The following LZTFL1 variants were observed in gnomAD, a reference collection of about 807,000 sequenced individuals.
The protein encoded by LZTFL1 is leucine zipper transcription factor-like protein 1.
Under a neutral mutation model 45.9 loss-of-function variants are expected in LZTFL1, and 25 were observed. That is an observed-to-expected ratio of 0.54 (90% CI 0.40 to 0.76). LZTFL1 has a LOEUF of 0.76. Ranked by LOEUF, LZTFL1 falls within the 30% of genes least tolerant of loss-of-function variation. The probability of loss-of-function intolerance (pLI) is 0.00; values close to 1 mark genes in which losing one functional copy is unlikely to be tolerated. For missense variants in LZTFL1, 277 were observed against 331.1 expected, an observed-to-expected ratio of 0.84 and a Z score of 1.27; for synonymous variants, 93 against 117.4, an observed-to-expected ratio of 0.79 and a Z score of 1.35.
At chr3:45,856,683 C>A (rs1701398339) in intron 3 of LZTFL1, among the ~76,000 whole-genome samples, 1 of 151,712 alleles carries the variant, frequency 6.6e-6, no homozygotes, top group South Asian at 2.1e-4. Flanking sequence ...AATACATTTA[C>A]AAGAAAAAAA....
intron 4 of LZTFL1, among the ~76,000 whole-genome samples, chr3:45,852,837 A>G (rs1379749888): frequency 5.3e-5 from 8 of 152,152 alleles, no homozygotes; most frequent in African/African-American, 2.4e-5. Context: ...TTATGTGCTC[A>G]CCCCAATCAA....
intron 7 of LZTFL1, 150 bp from the exon 8 acceptor site, chr3:45,828,765 G>A (rs1338699014): frequency 3.0e-6 from 2 of 676,068 alleles, no homozygotes; most frequent in Non-Finnish European, 4.9e-6. Context: ...GTAAGTGCCA[G>A]CCCCTTCAGA....
At position 45,825,161 on chromosome 3, in the gene LZTFL1, G is replaced by A. The variant is rs1424980955; in HGVS notation, c.*1153C>T. The A allele has an allele frequency of 2.9e-6, 1 of 339,332 alleles. No homozygotes were observed. The highest frequency in any genetic ancestry group is 5.3e-6 in the Non-Finnish European group (1 of 189,592). The allele number at this position is 339,332 out of a possible 1,614,324, so 21.0% of individuals were successfully genotyped here. A position where few individuals can be genotyped will look rare whatever the true frequency, so the allele number is the denominator to read the frequency against. Reference sequence around the variant, plus strand: ...GAATAAAATCTTCATTTGTGGAAATGGAATGATGTCTCTTAGTAGACAGTG... The same window carrying A: ...GAATAAAATCTTCATTTGTGGAAATAGAATGATGTCTCTTAGTAGACAGTG... On this transcript the variant is annotated 3_prime_UTR_variant, in exon 10 of 10. Transcript: ENST00000296135.
chr3:45,907,910 A>G (rs548803901), intron 2 of LZTFL1, among the ~76,000 whole-genome samples: 1 of 152,222 alleles, frequency 6.6e-6, no homozygotes, highest in Non-Finnish European at 1.5e-5. Context: ...GCATGATGTT[A>G]TGACAGTCTT....
At chr3:45,841,796 T>TTACCC in intron 1 of LZTFL1, 193 bp downstream of exon 1, 2 of 669,636 alleles carry the variant, frequency 3.0e-6, no homozygotes, top group Middle Eastern at 4.1e-4. Context: ...TCACCCAGGA[T>TTACCC]TACCCCAGAA....
intron 1 of LZTFL1, among the ~76,000 whole-genome samples, chr3:45,841,368 T>C (rs371232784): frequency 2.0e-5 from 3 of 152,310 alleles, no homozygotes; most frequent in East Asian, 3.9e-4. Context: ...GCTGGAGGGA[T>C]TAATGATATT....
At chr3:45,883,708 A>G (rs957097256) in intron 2 of LZTFL1, 2 of 571,484 alleles carry the variant, frequency 3.5e-6, no homozygotes, top group Middle Eastern at 5.0e-4. Flanking sequence ...AGCCCAGAAA[A>G]GGCTAAAGCT....
At chr3:45,909,643 A>T (rs929904523) in intron 2 of LZTFL1, among the ~76,000 whole-genome samples, 1 of 152,264 alleles carries the variant, frequency 6.6e-6, no homozygotes, top group African/African-American at 2.4e-5. Flanking sequence ...TGGAGACTGG[A>T]TGGACTCTTC....
chr3:45,907,431 A>C (rs1702704593), intron 2 of LZTFL1, among the ~76,000 whole-genome samples: 1 of 152,140 alleles, frequency 6.6e-6, no homozygotes, highest in African/African-American at 2.4e-5. Context: ...TGCTTCAAGG[A>C]ACCTGTCTCT....
At chr3:45,894,825 T>A (rs1702300521) in intron 2 of LZTFL1, 1 of 966,874 alleles carries the variant, frequency 1.0e-6, no homozygotes, top group Admixed American at 1.7e-5. Flanking sequence ...GATTTAAAAT[T>A]TAATCTCCAT....
chr3:45,900,697 G>T lies in LZTFL1; in HGVS notation c.-215+12423C>A. ...TCCTCAGAATGCCTATGTGTCTTTGGCCTTATCATAGGTGTTTGGGGTTGG... is the reference window on the plus strand; with the variant it reads ...TCCTCAGAATGCCTATGTGTCTTTGTCCTTATCATAGGTGTTTGGGGTTGG... On this transcript the variant is annotated intron_variant, in intron 2 of 4. Transcript: ENST00000472635. This position sits in a 1 kb window ranked among gnomAD's most constrained non-coding sequence, Gnocchi z 4.7. The T allele has an allele frequency of 9.8e-7, 1 of 1,020,448 alleles. No homozygotes were observed. Among genetic ancestry groups the T allele is most frequent in the Non-Finnish European group, 1.4e-6 (1 of 693,956 alleles). 63.2% of individuals were successfully genotyped at this position (1,020,448 alleles called of 1,614,324 possible).
chr3:45,910,521 G>A (rs962659542), intron 2 of LZTFL1, among the ~76,000 whole-genome samples: 5 of 152,268 alleles, frequency 3.3e-5, no homozygotes, highest in Admixed American at 6.5e-5. Flanking sequence ...GGCTGGCAGC[G>A]ACCTGGCTAG....
At chr3:45,915,334 C>T (rs572095480) in intron 1 of LZTFL1, 1 of 340,042 alleles carries the variant, frequency 2.9e-6, no homozygotes, top group South Asian at 2.2e-5. Context: ...ATCTTTTATC[C>T]CCGCACCGCC....
chr3:45,832,974 C>A, intron 5 of LZTFL1, 76 bp downstream of exon 5: 1 of 1,096,744 alleles, frequency 9.1e-7, no homozygotes. Context: ...AACAAACCTT[C>A]CACTTCTGTT....
At chr3:45,827,307 A>G (rs2125675085) in intron 9 of LZTFL1, 49 bp downstream of exon 9, 1 of 1,344,602 alleles carries the variant, frequency 7.4e-7, no homozygotes, top group Middle Eastern at 1.8e-4. Context: ...ACAGAGAACA[A>G]ACATCAATCC....
chr3:45,836,269 C>G (rs1206101187), intron 2 of LZTFL1, among the ~76,000 whole-genome samples: 1 of 151,898 alleles, frequency 6.6e-6, no homozygotes, highest in Non-Finnish European at 1.5e-5. Flanking sequence ...TCTTGAGACC[C>G]AAAATAATAA....
chr3:45,873,886 AAT>A, intron 2 of LZTFL1, among the ~76,000 whole-genome samples: 2 of 152,260 alleles, frequency 1.3e-5, no homozygotes, highest in Admixed American at 1.3e-4. Context: ...GCTCTAATCT[AAT>A]ATAACCTTTG....
Position 45,831,084 on chromosome 3 carries a change from T to C in LZTFL1, c.511A>G (p.Ile171Val). ...NEKLKSRLKTIEIQATNALDE... is the reference protein window; with the variant it reads ...NEKLKSRLKTVEIQATNALDE... Reference sequence around the variant, plus strand: ...CATTTCTCAGTTACCTGTATTTCAATGGTCTTCAACCTTGACTTCAATTTC... The same window carrying C: ...CATTTCTCAGTTACCTGTATTTCAACGGTCTTCAACCTTGACTTCAATTTC... Residue 171 changes from isoleucine to valine, a missense_variant, in exon 6 of 10, where the codon ATT (isoleucine) becomes GTT (valine). Ile to Val is a conservative substitution (Grantham distance 29, BLOSUM62 3). Transcript: ENST00000296135. 1 of 1,609,364 alleles carries C rather than the reference T, an allele frequency of 6.2e-7. No homozygotes were observed.
chr3:45,908,977 A>C (rs1702736553), intron 2 of LZTFL1, among the ~76,000 whole-genome samples: 1 of 152,120 alleles, frequency 6.6e-6, no homozygotes, highest in Non-Finnish European at 1.5e-5. Context: ...TCACCGCCTG[A>C]GCTTCGCCAA....
Sources: allele counts gnomAD v4.1 joint callset (sites outside exome capture counted in the v4.1 genomes callset), GRCh38; gene constraint gnomAD v4.1.1; non-coding constraint Gnocchi (gnomAD v3.1); transcripts MANE v1.5; gene names NCBI Gene and HGNC (gene_info 2026-07-23, HGNC 2026-07-21).